The following GRIN2A variants were observed in gnomAD, a reference collection of about 807,000 sequenced individuals.
GRIN2A encodes glutamate receptor ionotropic, NMDA 2A.
GRIN2A carries 22 observed loss-of-function variants against 113.4 expected under a neutral mutation model. That is an observed-to-expected ratio of 0.19 (90% CI 0.14 to 0.28). The LOEUF (loss-of-function observed/expected upper bound fraction) is 0.28, where lower values mean the gene tolerates loss of function less well. GRIN2A is among the 10% of genes least tolerant of loss of function. The pLI, the probability that GRIN2A is intolerant of heterozygous loss-of-function variation, is 1.00. For missense variants in GRIN2A, 1,502 were observed against 1,887.0 expected (o/e 0.80, Z 3.78); for synonymous variants, 827 against 738.4 (o/e 1.12, Z -1.94).
intron 3 of GRIN2A, among the ~76,000 whole-genome samples, chr16:9,900,567 T>C (rs559784339): frequency 7.9e-5 from 12 of 152,180 alleles, no homozygotes; most frequent in Non-Finnish European, 1.5e-4. Flanking sequence ...TTGACCCAAC[T>C]GGCCAAAGAT....
chr16:9,977,962 C>T (rs2141763165), intron 2 of GRIN2A, among the ~76,000 whole-genome samples: 1 of 152,322 alleles, frequency 6.6e-6, no homozygotes, highest in Admixed American at 6.5e-5. Context: ...TGGGCAAGAA[C>T]AAGACAGCTG....
chr16:9,980,916 C>T (rs1238810269), intron 2 of GRIN2A, among the ~76,000 whole-genome samples: 1 of 151,110 alleles, frequency 6.6e-6, no homozygotes, highest in Non-Finnish European at 1.5e-5. Flanking sequence ...TGCAGCACAC[C>T]AACATGGCAC....
At chr16:9,781,074 C>G (rs527940692) in intron 11 of GRIN2A, among the ~76,000 whole-genome samples, 1 of 150,890 alleles carries the variant, frequency 6.6e-6, no homozygotes, top group South Asian at 2.1e-4. Flanking sequence ...CACAACTACT[C>G]AACTCTGCCT....
intron 2 of GRIN2A, among the ~76,000 whole-genome samples, chr16:9,954,868 T>C (rs1226230867): frequency 6.6e-6 from 1 of 152,204 alleles, no homozygotes; most frequent in Non-Finnish European, 1.5e-5. Flanking sequence ...AAAGTCCTCC[T>C]TTCTCCAGGC....
chr16:9,913,693 C>G (rs923627265), intron 3 of GRIN2A, among the ~76,000 whole-genome samples: 2 of 152,136 alleles, frequency 1.3e-5, no homozygotes, highest in Non-Finnish European at 2.9e-5. Flanking sequence ...GAGCTATATT[C>G]TACGCTTCAT....
chr16:10,069,428 A>T (rs1047408893), intron 2 of GRIN2A, among the ~76,000 whole-genome samples: 1 of 152,220 alleles, frequency 6.6e-6, no homozygotes, highest in Non-Finnish European at 1.5e-5. Context: ...CTGAGAACAG[A>T]CAACACACAC....
At chr16:9,837,463 C>A (rs1469478458) in intron 7 of GRIN2A, among the ~76,000 whole-genome samples, 1 of 152,122 alleles carries the variant, frequency 6.6e-6, no homozygotes, top group Non-Finnish European at 1.5e-5. Flanking sequence ...ATATTCACGA[C>A]CCATTTTCAT....
At chr16:10,048,823 C>T (rs1177233874) in intron 2 of GRIN2A, among the ~76,000 whole-genome samples, 1 of 152,204 alleles carries the variant, frequency 6.6e-6, no homozygotes, top group African/African-American at 2.4e-5. Flanking sequence ...CTCTCTCCAT[C>T]TCAACCTTGG....
intron 2 of GRIN2A, among the ~76,000 whole-genome samples, chr16:10,010,723 G>C (rs1050370344): frequency 6.6e-5 from 10 of 152,080 alleles, no homozygotes; most frequent in African/African-American, 2.4e-4. Context: ...GCTACTGAAG[G>C]TTCATGCCTC....
chr16:9,858,654 T>C (rs1034428808), intron 4 of GRIN2A, among the ~76,000 whole-genome samples: 2 of 152,212 alleles, frequency 1.3e-5, no homozygotes, highest in Admixed American at 1.3e-4. Context: ...AAAATTTAAA[T>C]ACAGTGCTTT....
Position 10,164,344 on chromosome 16 carries a change from T to G in GRIN2A, c.414+15654A>C, listed in dbSNP as rs562048584. Among the ~76,000 whole-genome samples the G allele has an allele frequency of 3.3e-5, 5 of 152,360 alleles. No individual in the cohort carries two copies. The South Asian group carries it at 6.2e-4, about 19-fold the overall frequency. The stretch of plus-strand genomic sequence containing the variant: ...AATATCTGTGCGTCAGGGAACTTTA[T>G]TCATCTGTCATTGGGTCAGGGTCTG... On this transcript the variant is annotated intron_variant, in intron 2 of 12. Coordinates refer to ENST00000330684, the MANE Select transcript of GRIN2A (RefSeq NM_001134407.3).
intron 4 of GRIN2A, among the ~76,000 whole-genome samples, chr16:9,861,101 C>T (rs2043059531): frequency 6.6e-6 from 1 of 152,188 alleles, no homozygotes; most frequent in South Asian, 2.1e-4. Context: ...TGCCTGTGCT[C>T]TAGTCTGGCT....
chr16:9,774,686 G>C lies in GRIN2A; in HGVS notation c.2357-5597C>G, dbSNP rs183494206. On this transcript the variant is annotated intron_variant, in intron 11 of 12. Coordinates refer to ENST00000330684, the MANE Select transcript of GRIN2A (RefSeq NM_001134407.3). ...TAAGGAGTTTGCTTAATCACTCTAA[G>C]CTTCAGTTTTAATATCGAGCAAATG... 2.6e-5 allele frequency among the ~76,000 whole-genome samples: 4 copies of C among 152,372 alleles called. No individual in the cohort carries two copies. The East Asian group carries it at 7.7e-4, about 29-fold the overall frequency.
rs1470948211 is a variant in GRIN2A at position 9,840,831 on chromosome 16, AAAGAG to A, written c.1498-36_1498-32del. 4 of 1,217,948 alleles carry A rather than the reference AAAGAG, an allele frequency of 3.3e-6. No homozygotes were observed. The African/African-American group carries it at 7.3e-5, about 22-fold the overall frequency. The allele number at this position is 1,217,948 out of a possible 1,614,324, so 75.4% of individuals were successfully genotyped here. On this transcript the variant is annotated intron_variant, in intron 6 of 12. Coordinates refer to ENST00000330684, the MANE Select transcript of GRIN2A (RefSeq NM_001134407.3). ...TGCAAGGCAAAAAAAAAAAAAAAAA[AAAGAG>A]AGAGAGAGAACAACAGTACTTTACT...
In GRIN2A at chr16:9,812,662, A is replaced by G. The variant is rs116981317; in HGVS notation, c.2168+9602T>C. Among the ~76,000 whole-genome samples the G allele has an allele frequency of 1.9e-3, 296 of 152,272 alleles. 4 individuals carry two copies. In the East Asian group the frequency reaches 0.03, roughly 15 times the overall value. ...CAAAACAAAAACAAAAAAGAAAGAA[A>G]AAAGAAATAAACAATAAAATAAATA... On this transcript the variant is annotated intron_variant, in intron 10 of 12. Transcript: ENST00000330684.
chr16:9,998,540 G>A (rs1398817274), intron 2 of GRIN2A, among the ~76,000 whole-genome samples: 1 of 152,172 alleles, frequency 6.6e-6, no homozygotes, highest in Admixed American at 6.5e-5. Context: ...GGTTAAAATA[G>A]TAAACTCTAT....
intron 2 of GRIN2A, among the ~76,000 whole-genome samples, chr16:10,157,712 T>C (rs1259591388): frequency 6.6e-6 from 1 of 152,188 alleles, no homozygotes; most frequent in Non-Finnish European, 1.5e-5. Flanking sequence ...GCCCCCACGA[T>C]CAATCACTTC....
At chr16:10,145,333 TACA>T (rs2049417447) in intron 2 of GRIN2A, among the ~76,000 whole-genome samples, 2 of 152,310 alleles carry the variant, frequency 1.3e-5, no homozygotes, top group East Asian at 1.9e-4. Context: ...GTGTTCTCAC[TACA>T]ACAACAACAA....
At chr16:9,822,892 A>G (rs1488147471) in intron 9 of GRIN2A, among the ~76,000 whole-genome samples, 1 of 152,300 alleles carries the variant, frequency 6.6e-6, no homozygotes, top group Non-Finnish European at 1.5e-5. Context: ...AACTCCATTT[A>G]TAATTACCTT....
Sources: gnomAD v4.1 joint callset for allele counts (sites outside exome capture counted in the v4.1 genomes callset) on GRCh38, gnomAD v4.1.1 for gene constraint, MANE v1.5 for transcripts, NCBI Gene and HGNC (gene_info 2026-07-23, HGNC 2026-07-21) for gene names.